The following H2BC18 variants were observed in gnomAD, a reference collection of about 807,000 sequenced individuals.
H2BC18 encodes the protein histone H2B type 2-F.
H2BC18 carries 8 observed loss-of-function variants against 6.3 expected under a neutral mutation model. That is an observed-to-expected ratio of 1.28 (90% CI 0.75 to 2.31). H2BC18 has a LOEUF of 2.31. Among genes scored for constraint, H2BC18 ranks in the 30% most tolerant of loss-of-function variants. The probability of loss-of-function intolerance (pLI) is 0.00; values close to 1 mark genes in which losing one functional copy is unlikely to be tolerated. For synonymous variants in H2BC18, 104 were observed against 78.1 expected, an observed-to-expected ratio of 1.33 and a Z score of -1.75; for missense variants, 106 against 174.5, an observed-to-expected ratio of 0.61 and a Z score of 2.21.
intron 1 of H2BC18, among the ~76,000 whole-genome samples, chr1:149,799,449 G>A (rs1468618560): frequency 6.6e-6 from 1 of 152,038 alleles, no homozygotes; most frequent in Non-Finnish European, 1.5e-5. Flanking sequence ...GCAATCTAAG[G>A]ATGTATGTAT....
rs1224300077 is a variant in H2BC18, at chr1:149,792,844, C to T, written c.378-9584G>A. 1.9e-5 allele frequency: 24 copies of T among 1,271,416 alleles called. No homozygotes were observed. In the Admixed American group the frequency reaches 5.7e-4, roughly 30 times the overall value. 78.8% of individuals were successfully genotyped at this position (1,271,416 alleles called of 1,614,324 possible). A position where few individuals can be genotyped will look rare whatever the true frequency, so the allele number is the denominator to read the frequency against. On this transcript the variant is annotated intron_variant, in intron 1 of 1. Transcript: ENST00000545683. Reference sequence around the variant, plus strand: ...ACGGCGGCAGGCGGATGGAAGAGAGCAAGGGGTCGCCGTTCGTGTCCCATT... The same window carrying T: ...ACGGCGGCAGGCGGATGGAAGAGAGTAAGGGGTCGCCGTTCGTGTCCCATT...
At chr1:149,791,601 T>C in intron 1 of H2BC18, 2 of 1,552,008 alleles carry the variant, frequency 1.3e-6, no homozygotes, top group Non-Finnish European at 1.7e-6. Flanking sequence ...CATCCAAAAG[T>C]TCAACAACAC....
At chr1:149,811,643 TTCCCTCCA>T (rs1239555135), downstream of H2BC18, 2 of 471,554 alleles carry the variant, frequency 4.2e-6, no homozygotes, top group Non-Finnish European at 7.7e-6. Flanking sequence ...CCCCGCCTCC[TTCCCTCCA>T]TCCCTCCCAA....
Position 149,802,799 on chromosome 1 carries a change from G to T in H2BC18, c.377+9148C>A, listed in dbSNP as rs587681069. Among the ~76,000 whole-genome samples the T allele has an allele frequency of 1.3e-3, 201 of 152,248 alleles. 1 individual carries two copies. Among genetic ancestry groups the T allele is most frequent in the African/African-American group, 4.7e-3 (195 of 41,556 alleles). On this transcript the variant is annotated intron_variant, in intron 1 of 1. Coordinates refer to the H2BC18 transcript ENST00000545683. Reference sequence around the variant, plus strand: ...CAAGAGTCCAAAGGCCAAAGAACCTGGAGTCTGATGTCCAAAGGCAGGAGG... The same window carrying T: ...CAAGAGTCCAAAGGCCAAAGAACCTTGAGTCTGATGTCCAAAGGCAGGAGG...
downstream of H2BC18, among the ~76,000 whole-genome samples, chr1:149,807,016 T>C (rs1270385833): frequency 6.6e-6 from 1 of 151,816 alleles, no homozygotes; most frequent in Non-Finnish European, 1.5e-5. Context: ...GTGGGAAATA[T>C]AGGAAGGAGA....
At chr1:149,796,806 G>C (rs10888462) in intron 1 of H2BC18, among the ~76,000 whole-genome samples, 3 of 152,142 alleles carry the variant, frequency 2.0e-5, no homozygotes, top group Non-Finnish European at 4.4e-5. Flanking sequence ...CATAATATCT[G>C]TTGTCATTGC....
downstream of H2BC18, among the ~76,000 whole-genome samples, chr1:149,807,532 A>G (rs191425099): frequency 0.076 from 4,492 of 58,762 alleles, 390 homozygotes; most frequent in Non-Finnish European, 0.11. Flanking sequence ...GGGGGCGGGC[A>G]TGGTGGTACA....
At chr1:149,791,122 C>T in intron 1 of H2BC18, 6 of 1,481,944 alleles carry the variant, frequency 4.0e-6, no homozygotes, top group Non-Finnish European at 5.5e-6. Context: ...ATGACCAGTG[C>T]CTCCCTGAGG....
At chr1:149,808,416 CTCTTCTTTT>C (rs1332830454), downstream of H2BC18, among the ~76,000 whole-genome samples, 1 of 152,110 alleles carries the variant, frequency 6.6e-6, no homozygotes, top group Non-Finnish European at 1.5e-5. Flanking sequence ...TTCCTTCTTT[CTCTTCTTTT>C]GGGAATAACA....
chr1:149,788,352 T>A lies in H2BC18; in HGVS notation c.378-5092A>T, dbSNP rs373423454. 67 of 1,611,976 alleles carry A rather than the reference T, an allele frequency of 4.2e-5. 1 individual carries two copies. The highest frequency in any genetic ancestry group is 3.3e-4 in the East Asian group (15 of 44,886). The stretch of plus-strand genomic sequence containing the variant: ...CTCCACTGTATACATACATTTTGGG[T>A]TCATATTTTTCAGGCTGGCTACTAC... On this transcript the variant is annotated intron_variant, in intron 1 of 1. Transcript: ENST00000545683.
At chr1:149,798,852 A>G (rs183058706) in intron 1 of H2BC18, among the ~76,000 whole-genome samples, 76 of 152,102 alleles carry the variant, frequency 5.0e-4, no homozygotes, top group Non-Finnish European at 7.5e-4. Context: ...GCTTCAAGTG[A>G]TCCTCCTGCC....
chr1:149,795,814 C>T lies in H2BC18; in HGVS notation c.378-12554G>A, dbSNP rs1368553138. Among the ~76,000 whole-genome samples, 2 of 151,762 alleles carry T rather than the reference C, an allele frequency of 1.3e-5. 1 individual carries two copies. The highest frequency in any genetic ancestry group is 4.9e-5 in the African/African-American group (2 of 41,024). On this transcript the variant is annotated intron_variant, in intron 1 of 1. Coordinates refer to the H2BC18 transcript ENST00000545683. ...AGTGCTCAGCTTTTTAGATGCAAACCTGCTGAGCCATGCGTACCTAAAATA... is the reference window on the plus strand; with the variant it reads ...AGTGCTCAGCTTTTTAGATGCAAACTTGCTGAGCCATGCGTACCTAAAATA...
In H2BC18 at chr1:149,792,804, A is replaced by G. The variant is rs782412782; in HGVS notation, c.378-9544T>C. ...GCAGGAGCGAGAAATGAGCTGTAGG[A>G]GTCGGTGGGCAGCAACGGCGGCAGG... On this transcript the variant is annotated intron_variant, in intron 1 of 1. Coordinates refer to the H2BC18 transcript ENST00000545683. The G allele has an allele frequency of 1.6e-4, 210 of 1,279,418 alleles. 6 individuals carry two copies. The South Asian group carries it at 2.4e-3, about 15-fold the overall frequency. The allele number at this position is 1,279,418 out of a possible 1,614,324, so 79.3% of individuals were successfully genotyped here.
chr1:149,796,538 G>A (rs587717377), intron 1 of H2BC18, among the ~76,000 whole-genome samples: 38 of 152,274 alleles, frequency 2.5e-4, no homozygotes, highest in African/African-American at 8.9e-4. Flanking sequence ...AGGTTTATAA[G>A]TACCATCTTT....
At chr1:149,796,861 T>C (rs2091805915) in intron 1 of H2BC18, among the ~76,000 whole-genome samples, 1 of 152,218 alleles carries the variant, frequency 6.6e-6, no homozygotes, top group African/African-American at 2.4e-5. Context: ...ATTATTTTGA[T>C]CAATTTGTAT....
intron 1 of H2BC18, chr1:149,788,433 T>A (rs1235386217): frequency 6.2e-7 from 1 of 1,613,822 alleles, no homozygotes. Flanking sequence ...TGAGGTGTCA[T>A]GCGTGGAAGG....
chr1:149,810,322 T>C (rs587742749), downstream of H2BC18: 138 of 152,170 alleles, frequency 9.1e-4, no homozygotes, highest in African/African-American at 2.9e-3. Context: ...CTCAGTTATC[T>C]TTCCCTGACC....
intron 1 of H2BC18, among the ~76,000 whole-genome samples, chr1:149,804,749 C>T (rs2091902555): frequency 6.6e-6 from 1 of 152,178 alleles, no homozygotes; most frequent in Admixed American, 6.5e-5. Context: ...AGGGGAATAA[C>T]TTGAGGATCA....
intron 1 of H2BC18, among the ~76,000 whole-genome samples, chr1:149,799,462 A>T (rs2091838208): frequency 6.6e-6 from 1 of 152,112 alleles, no homozygotes; most frequent in South Asian, 2.1e-4. Context: ...GTATGTATGC[A>T]TTTAGATCCT....
Sources: allele counts gnomAD v4.1 joint callset (sites outside exome capture counted in the v4.1 genomes callset), GRCh38; gene constraint gnomAD v4.1.1; transcripts MANE v1.5; gene names NCBI Gene and HGNC (gene_info 2026-07-23, HGNC 2026-07-21).